AMZ1: variants seen among roughly 807,000 people sequenced by gnomAD.
AMZ1 encodes archaemetzincin-1.
Under a neutral mutation model 29.9 loss-of-function variants are expected in AMZ1, and 39 were observed. The ratio of observed to expected loss-of-function variants is 1.30; its 90% CI spans 1.01 to 1.70. The LOEUF (loss-of-function observed/expected upper bound fraction) is 1.70. Among genes scored for constraint, AMZ1 ranks in the 40% most tolerant of loss-of-function variants. AMZ1 has a pLI of 0.00. For missense variants in AMZ1, 1,041 were observed against 680.6 expected (o/e 1.53, Z -5.89); for synonymous variants, 458 against 304.0 (o/e 1.51, Z -5.27).
At position 2,716,218 on chromosome 7, in the gene AMZ1, C is replaced by T. The variant is rs1789113940; in HGVS notation, c.*3340C>T. 6.6e-6 allele frequency: 1 copy of T among 152,276 alleles called. No individual in the cohort carries two copies. Among genetic ancestry groups the T allele is most frequent in the South Asian group, 2.1e-4 (1 of 4,832 alleles). The allele number at this position is 152,276 out of a possible 1,614,324, so 9.4% of individuals were successfully genotyped here. A position where few individuals can be genotyped will look rare whatever the true frequency, so the allele number is the denominator to read the frequency against. ...CATGCTATGATGAAGGGGTGAGAAG[C>T]AGTGTCCCCTCTGAGGCAAATCTCT... On this transcript the variant is annotated 3_prime_UTR_variant, in exon 7 of 7. Transcript: ENST00000683327.
At chr7:2,704,364 T>G (rs1788228439) in intron 3 of AMZ1, among the ~76,000 whole-genome samples, 1 of 152,064 alleles carries the variant, frequency 6.6e-6, no homozygotes, top group African/African-American at 2.4e-5. Context: ...TAGCTGGCAG[T>G]GGTGGCACAC....
chr7:2,681,182 C>T (rs1786870291), intron 1 of AMZ1, among the ~76,000 whole-genome samples: 1 of 152,108 alleles, frequency 6.6e-6, no homozygotes, highest in Admixed American at 6.5e-5. Context: ...GTCAGCCTGG[C>T]TAGCGTGCGC....
chr7:2,683,355 T>C (rs115492155), upstream of AMZ1, among the ~76,000 whole-genome samples: 1,296 of 152,318 alleles, frequency 8.5e-3, 28 homozygotes, highest in African/African-American at 0.029. Flanking sequence ...GTCCTTGGCT[T>C]GTGGCTGCAC....
intron 1 of AMZ1, among the ~76,000 whole-genome samples, chr7:2,693,259 T>G (rs1787513335): frequency 6.6e-6 from 1 of 152,018 alleles, no homozygotes; most frequent in Admixed American, 6.6e-5. Flanking sequence ...CAGCTAATAT[T>G]GTATTTTTAG....
In AMZ1 at chr7:2,700,403, T is replaced by G; in HGVS notation, c.-49T>G. 1 of 1,568,160 alleles carries G rather than the reference T, an allele frequency of 6.4e-7. No homozygotes were observed. Among genetic ancestry groups the G allele is most frequent in the South Asian group, 1.1e-5 (1 of 87,034 alleles). ...CCGTGGCCGTCCCCCGGGTGGCCCA[T>G]GGACAGCAGCAGGGGCTCCCAGGAG... On this transcript the variant is annotated 5_prime_UTR_variant, in exon 2 of 7. An upstream start codon of the reference 5' UTR is lost. Coordinates refer to ENST00000683327, the MANE Select transcript of AMZ1 (RefSeq NM_001384743.1).
chr7:2,745,095 GC>G (rs1790701354), intron 4 of AMZ1, among the ~76,000 whole-genome samples: 1 of 152,234 alleles, frequency 6.6e-6, no homozygotes, highest in African/African-American at 2.4e-5. Context: ...AAAACACTCT[GC>G]AGGATATTAT....
chr7:2,703,169 C>T (rs992573590), intron 3 of AMZ1, among the ~76,000 whole-genome samples: 5 of 152,016 alleles, frequency 3.3e-5, no homozygotes, highest in South Asian at 2.1e-4. Context: ...TTTTTTGAGA[C>T]GGAGTCTTGC....
chr7:2,755,200 G>A (rs1246618820), intron 4 of AMZ1, among the ~76,000 whole-genome samples: 2 of 152,154 alleles, frequency 1.3e-5, no homozygotes, highest in Non-Finnish European at 2.9e-5. Flanking sequence ...CAGGGAGAGT[G>A]GCCCCTCCCA....
At chr7:2,761,126 C>T (rs1356722608), upstream of AMZ1, among the ~76,000 whole-genome samples, 1 of 152,236 alleles carries the variant, frequency 6.6e-6, no homozygotes, top group African/African-American at 2.4e-5. Context: ...TGTGGGGCTC[C>T]TCTTAGAGTT....
downstream of AMZ1, among the ~76,000 whole-genome samples, chr7:2,722,346 C>T (rs1789460140): frequency 6.6e-6 from 1 of 151,812 alleles, no homozygotes; most frequent in Non-Finnish European, 1.5e-5. Context: ...GATCTCGGCT[C>T]ACTGCAAGCT....
chr7:2,719,261 G>A lies in AMZ1; in HGVS notation c.*6383G>A, dbSNP rs1294083109. On this transcript the variant is annotated 3_prime_UTR_variant, in exon 7 of 7. Coordinates refer to ENST00000683327, the MANE Select transcript of AMZ1 (RefSeq NM_001384743.1). ...CTGCCATCCTCCGGCCGCCTCTCCC[G>A]CCTGCACCACTTGGAGGCAGTTGTT... Among the ~76,000 whole-genome samples, 3 of 152,154 alleles carry A rather than the reference G, an allele frequency of 2.0e-5. No individual in the cohort carries two copies. The highest frequency in any genetic ancestry group is 6.5e-5 in the Admixed American group (1 of 15,280).
chr7:2,741,956 G>A (rs1392830823), intron 4 of AMZ1, among the ~76,000 whole-genome samples: 2 of 151,698 alleles, frequency 1.3e-5, no homozygotes, highest in Non-Finnish European at 2.9e-5. Flanking sequence ...ACAGAATTTA[G>A]TATATTACTT....
chr7:2,747,811 G>C (rs1375065545), intron 4 of AMZ1, among the ~76,000 whole-genome samples: 1 of 152,002 alleles, frequency 6.6e-6, no homozygotes, highest in African/African-American at 2.4e-5. Context: ...AAGCTGATAA[G>C]CAACTTCAGG....
chr7:2,729,699 G>A (rs1232735804), intron 4 of AMZ1: 2 of 152,404 alleles, frequency 1.3e-5, no homozygotes, highest in African/African-American at 4.8e-5. Flanking sequence ...CCTGGGATAT[G>A]TGACTGAGCC....
At chr7:2,690,078 T>C (rs1787294943) in intron 1 of AMZ1, among the ~76,000 whole-genome samples, 1 of 152,156 alleles carries the variant, frequency 6.6e-6, no homozygotes, top group African/African-American at 2.4e-5. Flanking sequence ...GCAGACGTCA[T>C]GCCCTGGATG....
chr7:2,700,384 C>A lies in AMZ1; in HGVS notation c.-68C>A. 1 of 1,530,810 alleles carries A rather than the reference C, an allele frequency of 6.5e-7. No individual in the cohort carries two copies. Among genetic ancestry groups the A allele is most frequent in the East Asian group, 2.3e-5 (1 of 44,214 alleles). 94.8% of individuals were successfully genotyped at this position (1,530,810 alleles called of 1,614,324 possible). ...GGGAAGATTCTGGACGAGACCGTGG[C>A]CGTCCCCCGGGTGGCCCATGGACAG... On this transcript the variant is annotated 5_prime_UTR_variant, in exon 2 of 7. Coordinates refer to ENST00000683327, the MANE Select transcript of AMZ1 (RefSeq NM_001384743.1).
intron 4 of AMZ1, among the ~76,000 whole-genome samples, chr7:2,738,580 G>A (rs1327677393): frequency 6.6e-6 from 1 of 152,104 alleles, no homozygotes; most frequent in Non-Finnish European, 1.5e-5. Context: ...TTTGGAAAAG[G>A]AAACGTGGAT....
At chr7:2,703,302 G>A (rs1027359570) in intron 3 of AMZ1, among the ~76,000 whole-genome samples, 2 of 152,024 alleles carry the variant, frequency 1.3e-5, no homozygotes, top group East Asian at 1.9e-4. Flanking sequence ...CACCACACCC[G>A]GCTAATTTTT....
chr7:2,715,128 C>T lies in AMZ1; in HGVS notation c.*2250C>T, dbSNP rs1364462848. 1 of 152,154 alleles carries T rather than the reference C, an allele frequency of 6.6e-6. No individual in the cohort carries two copies. Among genetic ancestry groups the T allele is most frequent in the Non-Finnish European group, 1.5e-5 (1 of 68,032 alleles). 9.4% of individuals were successfully genotyped at this position (152,154 alleles called of 1,614,324 possible). On this transcript the variant is annotated 3_prime_UTR_variant, in exon 7 of 7. Coordinates refer to ENST00000683327, the MANE Select transcript of AMZ1 (RefSeq NM_001384743.1). ...CTCCTAAGGTGGACATCGGGAGGGT[C>T]AGATGGAAGCTCTGTGGCCTTTCCT...
Sources: gnomAD v4.1 joint callset for allele counts (sites outside exome capture counted in the v4.1 genomes callset) on GRCh38, gnomAD v4.1.1 for gene constraint, MANE v1.5 for transcripts, NCBI Gene and HGNC (gene_info 2026-07-23, HGNC 2026-07-21) for gene names.